The following SDK1 variants were observed in gnomAD, a reference collection of about 807,000 sequenced individuals.
The protein encoded by SDK1 is protein sidekick-1.
Under a neutral mutation model 245.5 loss-of-function variants are expected in SDK1, and 157 were observed. The observed-to-expected ratio is 0.64, with a 90% CI of 0.56 to 0.73. SDK1 has a LOEUF of 0.73. Ranked by LOEUF, SDK1 falls within the 30% of genes least tolerant of loss-of-function variation. The pLI is 0.00. For synonymous variants in SDK1, 1,647 were observed against 1,278.5 expected (o/e 1.29, Z -6.15); for missense variants, 3,583 against 3,002.3 (o/e 1.19, Z -4.52).
At chr7:4,204,102 C>G (rs915248268) in intron 35 of SDK1, among the ~76,000 whole-genome samples, 2 of 152,220 alleles carry the variant, frequency 1.3e-5, no homozygotes, top group East Asian at 1.9e-4. Flanking sequence ...CTGGGGCTGT[C>G]GCGGGGGGAG....
intron 1 of SDK1, among the ~76,000 whole-genome samples, chr7:3,508,320 CTTCTTCT>C (rs1782462862): frequency 7.6e-6 from 1 of 130,750 alleles, no homozygotes; most frequent in East Asian, 2.3e-4. Flanking sequence ...TCTTCTTCTT[CTTCTTCT>C]TTTTTTTTTT....
chr7:3,662,366 C>G (rs1341105935), intron 4 of SDK1, among the ~76,000 whole-genome samples: 3 of 152,254 alleles, frequency 2.0e-5, no homozygotes, highest in African/African-American at 7.2e-5. Context: ...TTTCACAGCT[C>G]AGCACTGGGA....
intron 1 of SDK1, among the ~76,000 whole-genome samples, chr7:3,580,475 C>T (rs1029766962): frequency 2.6e-5 from 4 of 152,066 alleles, no homozygotes; most frequent in African/African-American, 7.2e-5. Context: ...ATAGAGTACC[C>T]ACAGATAAGG....
chr7:3,911,896 A>G (rs976194070), intron 5 of SDK1, among the ~76,000 whole-genome samples: 6 of 152,184 alleles, frequency 3.9e-5, no homozygotes, highest in Non-Finnish European at 7.3e-5. Flanking sequence ...AGGGAGCTGG[A>G]TAAAGTACTC....
intron 1 of SDK1, among the ~76,000 whole-genome samples, chr7:3,312,295 C>G (rs1161906590): frequency 6.6e-6 from 1 of 152,144 alleles, no homozygotes; most frequent in Non-Finnish European, 1.5e-5. Flanking sequence ...AAATCTAAGA[C>G]TCTTGCAGAA....
Position 4,221,170 on chromosome 7 carries a change from A to T in SDK1, c.5702-69A>T. The T allele has an allele frequency of 5.7e-6, 9 of 1,585,594 alleles. No individual in the cohort carries two copies. The South Asian group carries it at 9.0e-5, about 16-fold the overall frequency. On this transcript the variant is annotated intron_variant, in intron 39 of 44. Coordinates refer to ENST00000404826, the MANE Select transcript of SDK1 (RefSeq NM_152744.4). ...GACCGGTCTGACCCCCCACTGTGAA[A>T]TCTCACGGGGTGGGATGTGAGCCCC...
At chr7:3,633,697 C>T (rs1345752015) in intron 2 of SDK1, among the ~76,000 whole-genome samples, 1 of 152,130 alleles carries the variant, frequency 6.6e-6, no homozygotes, top group Admixed American at 6.6e-5. Context: ...GAATATATTT[C>T]AGCCAAAATT....
intron 40 of SDK1, among the ~76,000 whole-genome samples, chr7:4,232,079 T>C (rs1175295568): frequency 6.7e-6 from 1 of 149,486 alleles, no homozygotes; most frequent in Non-Finnish European, 1.5e-5. Context: ...AACAGCCTCC[T>C]TAGAATTGAA....
At chr7:4,203,234 C>T (rs1343671110) in intron 35 of SDK1, among the ~76,000 whole-genome samples, 1 of 152,192 alleles carries the variant, frequency 6.6e-6, no homozygotes, top group Admixed American at 6.5e-5. Context: ...AGGAATTCCA[C>T]GATGGCTGTC....
chr7:3,751,184 C>A lies in SDK1; in HGVS notation c.714-70266C>A, dbSNP rs1779762712. Among the ~76,000 whole-genome samples the A allele has an allele frequency of 2.0e-5, 3 of 152,184 alleles. No individual in the cohort carries two copies. In the South Asian group the frequency reaches 6.2e-4, roughly 32 times the overall value. On this transcript the variant is annotated intron_variant, in intron 4 of 44. Transcript: ENST00000404826. ...CTCCTGGCATTACAGGACATTCAAG[C>A]CCTTACTAAAATAAAACTGACATTT...
intron 1 of SDK1, among the ~76,000 whole-genome samples, chr7:3,428,378 A>G (rs1008209477): frequency 6.6e-6 from 1 of 152,258 alleles, no homozygotes; most frequent in Non-Finnish European, 1.5e-5. Context: ...GTGCAAAGCA[A>G]GGACTGCGAG....
chr7:4,041,837 C>T lies in SDK1; in HGVS notation c.2603-7511C>T, dbSNP rs190210048. 3.0e-5 allele frequency among the ~76,000 whole-genome samples: 4 copies of T among 135,442 alleles called. No individual in the cohort carries two copies. The East Asian group carries it at 5.9e-4, about 20-fold the overall frequency. The allele number at this position is 135,442 out of a possible 152,430, so 88.9% of individuals were successfully genotyped here. On this transcript the variant is annotated intron_variant, in intron 17 of 44. Transcript: ENST00000404826. ...GCAATTTTTTTTTTCTTTTTTGTGA[C>T]GGAGTCTCGCTCCCTTGCCAGGCTG...
intron 1 of SDK1, among the ~76,000 whole-genome samples, chr7:3,607,394 AC>A (rs1343978089): frequency 2.6e-5 from 4 of 152,184 alleles, no homozygotes; most frequent in Non-Finnish European, 5.9e-5. Context: ...CGTTAGTAAA[AC>A]CGACTATACT....
rs1411331009 is a variant in SDK1 at position 3,723,889 on chromosome 7, TACACGTGTATATACACGTAC to T, written c.713+81786_713+81805del. 1.7e-3 allele frequency among the ~76,000 whole-genome samples: 227 copies of T among 134,264 alleles called. 21 individuals carry two copies. Among genetic ancestry groups the T allele is most frequent in the African/African-American group, 5.2e-3 (170 of 32,730 alleles). 88.1% of individuals were successfully genotyped at this position (134,264 alleles called of 152,430 possible). ...GTGTATATACACGTACATATATATA[TACACGTGTATATACACGTAC>T]ATATATATATACACGTATATATATA... is the stretch of plus-strand genomic sequence containing the variant. On this transcript the variant is annotated intron_variant, in intron 4 of 44. Transcript: ENST00000404826.
chr7:4,171,531 G>A (rs904214372), intron 32 of SDK1, among the ~76,000 whole-genome samples: 7 of 152,312 alleles, frequency 4.6e-5, no homozygotes, highest in South Asian at 2.1e-4. Flanking sequence ...TTGAAGTCCC[G>A]GGCTCTGGTT....
intron 5 of SDK1, among the ~76,000 whole-genome samples, chr7:3,903,178 C>A (rs1292932665): frequency 6.7e-6 from 1 of 149,328 alleles, no homozygotes; most frequent in Non-Finnish European, 1.5e-5. Context: ...AGACGAGACT[C>A]CGTCGCTCAG....
chr7:3,948,888 A>G (rs1000028946), intron 5 of SDK1, among the ~76,000 whole-genome samples: 17 of 152,206 alleles, frequency 1.1e-4, no homozygotes, highest in African/African-American at 3.4e-4. Flanking sequence ...ACCCTGTTCA[A>G]TGACCTTTCA....
rs147928560 is a variant in SDK1, at chr7:3,767,523, A to G, written c.714-53927A>G. 1.4e-3 allele frequency among the ~76,000 whole-genome samples: 212 copies of G among 151,514 alleles called. 6 individuals are homozygous for G. The East Asian group carries it at 0.031, about 22-fold the overall frequency. On this transcript the variant is annotated intron_variant, in intron 4 of 44. Coordinates refer to ENST00000404826, the MANE Select transcript of SDK1 (RefSeq NM_152744.4). ...ATTTTAACACAAAATGAAATTCATGATAGCTAACACTTACATAGGCTTACT... is the reference window on the plus strand; with the variant it reads ...ATTTTAACACAAAATGAAATTCATGGTAGCTAACACTTACATAGGCTTACT...
intron 1 of SDK1, among the ~76,000 whole-genome samples, chr7:3,508,429 A>G (rs1246585574): frequency 6.6e-6 from 1 of 150,884 alleles, no homozygotes; most frequent in East Asian, 1.9e-4. Context: ...CTCGGTTCAA[A>G]CAATTCTCCT....
Sources: gnomAD v4.1 joint callset for allele counts (sites outside exome capture counted in the v4.1 genomes callset) on GRCh38, gnomAD v4.1.1 for gene constraint, MANE v1.5 for transcripts, NCBI Gene and HGNC (gene_info 2026-07-23, HGNC 2026-07-21) for gene names.